Variants in PCCA observed in about 807,000 individuals in gnomAD.
PCCA encodes the protein propionyl-CoA carboxylase subunit alpha.
PCCA carries 74 observed loss-of-function variants against 101.3 expected under a neutral mutation model. The ratio of observed to expected loss-of-function variants is 0.73; its 90% CI spans 0.61 to 0.89. The LOEUF (loss-of-function observed/expected upper bound fraction) is 0.89. PCCA is among the 40% of genes least tolerant of loss of function. The probability of loss-of-function intolerance (pLI) is 0.00; values close to 1 mark genes in which losing one functional copy is unlikely to be tolerated. For missense variants in PCCA, 891 were observed against 907.0 expected (o/e 0.98, Z 0.23); for synonymous variants, 294 against 313.6 (o/e 0.94, Z 0.66).
intron 14 of PCCA, among the ~76,000 whole-genome samples, chr13:100,306,102 A>T (rs2066423645): frequency 6.6e-6 from 1 of 152,206 alleles, no homozygotes; most frequent in African/African-American, 2.4e-5. Context: ...AAGAGGTTCT[A>T]CATGTGGTCC....
intron 20 of PCCA, among the ~76,000 whole-genome samples, chr13:100,430,091 C>T (rs937699408): frequency 8.6e-5 from 13 of 151,746 alleles, no homozygotes; most frequent in Admixed American, 2.0e-4. Flanking sequence ...GCCTGACCAA[C>T]GTGGAGAAAC....
chr13:100,305,768 A>C, intron 14 of PCCA: 1 of 419,774 alleles, frequency 2.4e-6, no homozygotes, highest in Non-Finnish European at 4.8e-6. Flanking sequence ...CAACACTGTG[A>C]ATTTCATAGA....
rs181031587 is a variant in PCCA at position 100,410,218 on chromosome 13, A to T, written c.1747-15415A>T. Reference sequence around the variant, plus strand: ...TTTTCCTTAATTTTTTGCCAGGGAAATTTTTTTTGTTTTTGTTGTTGTTTT... The same window carrying T: ...TTTTCCTTAATTTTTTGCCAGGGAATTTTTTTTTGTTTTTGTTGTTGTTTT... On this transcript the variant is annotated intron_variant, in intron 19 of 23. Transcript: ENST00000376285. Among the ~76,000 whole-genome samples, 1,036 of 152,004 alleles carry T rather than the reference A, an allele frequency of 6.8e-3. 12 individuals are homozygous for T. Among genetic ancestry groups the T allele is most frequent in the African/African-American group, 0.023 (972 of 41,480 alleles).
chr13:100,155,334 G>A (rs2053768565), intron 5 of PCCA, among the ~76,000 whole-genome samples: 1 of 152,214 alleles, frequency 6.6e-6, no homozygotes, highest in African/African-American at 2.4e-5. Flanking sequence ...CCAGGGAGCA[G>A]TTTCAGTTCA....
intron 19 of PCCA, among the ~76,000 whole-genome samples, chr13:100,381,161 G>T (rs1016619617): frequency 6.6e-6 from 1 of 152,104 alleles, no homozygotes; most frequent in African/African-American, 2.4e-5. Context: ...GAGGCAGGTG[G>T]ATCACGAGGT....
intron 7 of PCCA, among the ~76,000 whole-genome samples, chr13:100,223,520 G>A (rs914797567): frequency 5.9e-5 from 9 of 152,122 alleles, no homozygotes; most frequent in Non-Finnish European, 1.2e-4. Flanking sequence ...CCAGACCTTC[G>A]CGGTGAGCGT....
At chr13:100,272,859 C>G (rs1189576868) in intron 11 of PCCA, among the ~76,000 whole-genome samples, 1 of 152,132 alleles carries the variant, frequency 6.6e-6, no homozygotes, top group East Asian at 1.9e-4. Flanking sequence ...AGTTATTTTT[C>G]TCCCAGTTTT....
At chr13:100,526,195 CT>C (rs775119524) in intron 22 of PCCA, among the ~76,000 whole-genome samples, 1 of 152,230 alleles carries the variant, frequency 6.6e-6, no homozygotes, top group Non-Finnish European at 1.5e-5. Context: ...TCTGACACCC[CT>C]GATGGGGGCC....
intron 18 of PCCA, among the ~76,000 whole-genome samples, chr13:100,365,876 T>G (rs2075112389): frequency 6.6e-6 from 1 of 152,242 alleles, no homozygotes; most frequent in African/African-American, 2.4e-5. Context: ...GGGTTTTGTG[T>G]CAGCTTCTGT....
intron 19 of PCCA, among the ~76,000 whole-genome samples, chr13:100,370,995 A>T (rs189404329): frequency 1.2e-4 from 19 of 152,280 alleles, no homozygotes; most frequent in African/African-American, 4.3e-4. Flanking sequence ...CTTCTGTTTA[A>T]TTTTTAGGAG....
At chr13:100,264,124 CGTATATATATGGTATCTGTATA>C in intron 10 of PCCA, among the ~76,000 whole-genome samples, 1 of 101,494 alleles carries the variant, frequency 9.9e-6, no homozygotes, top group Non-Finnish European at 2.2e-5. Context: ...ATCTGTATAT[CGTATATATATGGTATCTGTATA>C]TCGTATATAT....
chr13:100,478,170 T>C (rs2083570767), intron 21 of PCCA, among the ~76,000 whole-genome samples: 1 of 152,138 alleles, frequency 6.6e-6, no homozygotes, highest in Non-Finnish European at 1.5e-5. Flanking sequence ...TTTCTGTGGA[T>C]TTTTTTTCCC....
intron 4 of PCCA, among the ~76,000 whole-genome samples, chr13:100,141,941 G>A (rs942526749): frequency 6.6e-6 from 1 of 152,162 alleles, no homozygotes; most frequent in Non-Finnish European, 1.5e-5. Context: ...TAAGAGAGTG[G>A]AAAACAAAGG....
chr13:100,238,104 A>T (rs2060914516), intron 8 of PCCA, among the ~76,000 whole-genome samples: 1 of 151,308 alleles, frequency 6.6e-6, no homozygotes, highest in African/African-American at 2.4e-5. Flanking sequence ...ATGCCAGCTA[A>T]TTTTTTTGTA....
chr13:100,473,566 C>T (rs935634368), intron 21 of PCCA, among the ~76,000 whole-genome samples: 3 of 152,140 alleles, frequency 2.0e-5, no homozygotes, highest in East Asian at 1.9e-4. Flanking sequence ...ATATATTTCA[C>T]GAAGAGAGCC....
chr13:100,197,868 G>T (rs72658526), intron 6 of PCCA, among the ~76,000 whole-genome samples: 2 of 152,200 alleles, frequency 1.3e-5, no homozygotes, highest in Non-Finnish European at 2.9e-5. Context: ...ATACTAACAT[G>T]CCCCAGATTT....
intron 8 of PCCA, among the ~76,000 whole-genome samples, 185 bp from the exon 9 acceptor site, chr13:100,257,410 C>A (rs1342258682): frequency 6.6e-6 from 1 of 151,998 alleles, no homozygotes; most frequent in Non-Finnish European, 1.5e-5. Context: ...GTCACACTCT[C>A]ATTTTTTAAA....
At chr13:100,299,660 C>A (rs1424605534) in intron 12 of PCCA, among the ~76,000 whole-genome samples, 5 of 152,114 alleles carry the variant, frequency 3.3e-5, no homozygotes, top group Admixed American at 1.3e-4. Flanking sequence ...TGTCTTTTCA[C>A]CTATCAGGGA....
In PCCA at chr13:100,503,032, G is replaced by A. The variant is rs189183611; in HGVS notation, c.1900-12395G>A. Reference sequence around the variant, plus strand: ...GGGGAGGAGGGGAGGCTGGATCGTGGGTAAGAGAGACTGGCAGGGCCAGTG... The same window carrying A: ...GGGGAGGAGGGGAGGCTGGATCGTGAGTAAGAGAGACTGGCAGGGCCAGTG... On this transcript the variant is annotated intron_variant, in intron 21 of 23. Transcript: ENST00000376285. 1.4e-4 allele frequency among the ~76,000 whole-genome samples: 22 copies of A among 152,274 alleles called. No homozygotes were observed. The East Asian group carries it at 3.7e-3, about 25-fold the overall frequency.
Sources: gnomAD v4.1 joint callset for allele counts (sites outside exome capture counted in the v4.1 genomes callset) on GRCh38, gnomAD v4.1.1 for gene constraint, MANE v1.5 for transcripts, NCBI Gene and HGNC (gene_info 2026-07-23, HGNC 2026-07-21) for gene names.